The following SBF2 variants were observed in gnomAD, a reference collection of about 807,000 sequenced individuals.
The protein encoded by SBF2 is SET binding factor 2.
Under a neutral mutation model 225.2 loss-of-function variants are expected in SBF2, and 112 were observed. The ratio of observed to expected loss-of-function variants is 0.50; its 90% CI spans 0.43 to 0.58. The LOEUF is 0.58. Among genes scored for constraint, SBF2 ranks in the 20% least tolerant of loss-of-function variants. The probability of loss-of-function intolerance (pLI) is 0.00; values close to 1 mark genes in which losing one functional copy is unlikely to be tolerated. For synonymous variants in SBF2, 763 were observed against 773.3 expected (o/e 0.99, Z 0.22); for missense variants, 1,996 against 2,206.2 (o/e 0.90, Z 1.91).
At chr11:9,840,031 G>C (rs754848290) in intron 25 of SBF2, among the ~76,000 whole-genome samples, 1 of 152,192 alleles carries the variant, frequency 6.6e-6, no homozygotes, top group Admixed American at 6.5e-5. Flanking sequence ...TCAGGAGTTC[G>C]AGAGCAGCCT....
chr11:10,020,061 C>T (rs886171647), intron 6 of SBF2, among the ~76,000 whole-genome samples: 6 of 152,022 alleles, frequency 3.9e-5, no homozygotes, highest in Admixed American at 6.6e-5. Context: ...GAATGTCAGG[C>T]GACCATCAGG....
At chr11:9,957,358 T>C (rs181383861) in intron 16 of SBF2, 2 of 152,380 alleles carry the variant, frequency 1.3e-5, no homozygotes, top group African/African-American at 4.8e-5. Context: ...ACTTAATTTC[T>C]GTCTAGATTA....
intron 2 of SBF2, among the ~76,000 whole-genome samples, chr11:10,067,113 G>GT (rs981989620): frequency 2.7e-4 from 41 of 151,766 alleles, no homozygotes; most frequent in African/African-American, 9.4e-4. Flanking sequence ...CCCTGACTCT[G>GT]TTTTTTTTAA....
chr11:9,954,348 T>G (rs74504530), intron 16 of SBF2, among the ~76,000 whole-genome samples: 6 of 151,196 alleles, frequency 4.0e-5, no homozygotes, highest in Non-Finnish European at 8.9e-5. Flanking sequence ...GCCTTGAAAC[T>G]CTATGCTTTT....
chr11:9,915,916 T>G (rs544540748), intron 16 of SBF2, among the ~76,000 whole-genome samples: 1 of 152,084 alleles, frequency 6.6e-6, no homozygotes, highest in East Asian at 1.9e-4. Flanking sequence ...ATACAAAAAT[T>G]AGCCAGGTGT....
intron 16 of SBF2, among the ~76,000 whole-genome samples, chr11:9,897,704 A>C (rs914151923): frequency 6.6e-6 from 1 of 152,170 alleles, no homozygotes; most frequent in Admixed American, 6.5e-5. Flanking sequence ...CTCCTCATCC[A>C]TCCGTTATAA....
At chr11:10,023,651 T>C (rs1948941452) in intron 6 of SBF2, among the ~76,000 whole-genome samples, 1 of 152,180 alleles carries the variant, frequency 6.6e-6, no homozygotes, top group Admixed American at 6.6e-5. Context: ...CTGGTTTCTT[T>C]TACTTAGCAT....
Position 9,993,947 on chromosome 11 carries a change from T to A in SBF2, c.1027A>T (p.Thr343Ser). The A allele has an allele frequency of 7.9e-7, 1 of 1,267,136 alleles. No individual in the cohort carries two copies. The highest frequency in any genetic ancestry group is 1.2e-6 in the Non-Finnish European group (1 of 863,266). 78.5% of individuals were successfully genotyped at this position (1,267,136 alleles called of 1,614,324 possible). The change falls in exon 10 of 40, where the codon ACA becomes TCA. Residue 343 changes from threonine to serine, a missense_variant. Thr to Ser is a moderately conservative substitution (Grantham distance 58). Coordinates refer to ENST00000256190, the MANE Select transcript of SBF2 (RefSeq NM_030962.4). Reference sequence around the variant, plus strand: ...AGCATTTTTGAGTGGGATAAAGCTGTTCGTGGAGGAGGAAAAGCATGATCT... The same window carrying A: ...AGCATTTTTGAGTGGGATAAAGCTGATCGTGGAGGAGGAAAAGCATGATCT... ...VADHAFPPPR[T>S]ALSHSKMLDK...
intron 2 of SBF2, among the ~76,000 whole-genome samples, chr11:10,046,464 A>G (rs2134694668): frequency 6.6e-6 from 1 of 152,304 alleles, no homozygotes; most frequent in Admixed American, 6.5e-5. Context: ...TAACCATTCA[A>G]AAATCAATTA....
chr11:10,255,871 C>G (rs576045232), intron 1 of SBF2, among the ~76,000 whole-genome samples: 1 of 152,296 alleles, frequency 6.6e-6, no homozygotes, highest in East Asian at 1.9e-4. Context: ...ACTGAGGAAA[C>G]TATGTCAAAA....
chr11:10,060,693 A>T (rs1467912302), intron 2 of SBF2, among the ~76,000 whole-genome samples: 1 of 152,188 alleles, frequency 6.6e-6, no homozygotes, highest in African/African-American at 2.4e-5. Flanking sequence ...ATGACCAAGT[A>T]GGCTTCATCC....
intron 28 of SBF2, among the ~76,000 whole-genome samples, chr11:9,818,322 T>C (rs1364402238): frequency 1.3e-5 from 2 of 152,202 alleles, no homozygotes; most frequent in African/African-American, 2.4e-5. Flanking sequence ...ACCTTAGTTA[T>C]ATTAATTAGA....
chr11:9,790,011 G>C (rs1852639163), intron 34 of SBF2, among the ~76,000 whole-genome samples: 1 of 152,244 alleles, frequency 6.6e-6, no homozygotes, highest in Non-Finnish European at 1.5e-5. Context: ...TGGGGCCCAG[G>C]GGAGGGGCCT....
chr11:9,924,137 T>C (rs1863843703), intron 16 of SBF2, among the ~76,000 whole-genome samples: 1 of 152,182 alleles, frequency 6.6e-6, no homozygotes, highest in Non-Finnish European at 1.5e-5. Context: ...ATACAGATGG[T>C]CCTAGACTTA....
chr11:9,964,603 C>T (rs2134371907), intron 14 of SBF2, among the ~76,000 whole-genome samples: 1 of 152,158 alleles, frequency 6.6e-6, no homozygotes, highest in East Asian at 1.9e-4. Flanking sequence ...GAAAGTAGTG[C>T]AAACAAAGAG....
intron 1 of SBF2, among the ~76,000 whole-genome samples, chr11:10,200,084 T>C (rs185950880): frequency 1.3e-5 from 2 of 152,280 alleles, no homozygotes; most frequent in Non-Finnish European, 2.9e-5. Context: ...ATCTGCGTTT[T>C]GATTGTGACC....
chr11:10,001,054 T>A lies in SBF2; in HGVS notation c.753-32A>T, dbSNP rs201874369. 16 of 1,161,138 alleles carry A rather than the reference T, an allele frequency of 1.4e-5. No homozygotes were observed. The Admixed American group carries it at 2.4e-4, about 17-fold the overall frequency. 71.9% of individuals were successfully genotyped at this position (1,161,138 alleles called of 1,614,324 possible). ...ATAATAAAAATATGCGTCAAATATATTTTTCTTTAACATAAACATATCTTC... is the reference window on the plus strand; with the variant it reads ...ATAATAAAAATATGCGTCAAATATAATTTTCTTTAACATAAACATATCTTC... On this transcript the variant is annotated intron_variant, in intron 7 of 39. Transcript: ENST00000256190.
intron 1 of SBF2, among the ~76,000 whole-genome samples, chr11:10,274,340 G>C (rs1162361256): frequency 6.6e-6 from 1 of 152,192 alleles, no homozygotes; most frequent in Non-Finnish European, 1.5e-5. Flanking sequence ...AATCTGAAGA[G>C]ATATGTACTA....
chr11:10,186,226 C>A (rs1038934524), intron 2 of SBF2, among the ~76,000 whole-genome samples: 5 of 152,144 alleles, frequency 3.3e-5, no homozygotes, highest in African/African-American at 1.2e-4. Context: ...CTCAGGTGTA[C>A]CACTTTCACA....
Sources: gnomAD v4.1 joint callset for allele counts (sites outside exome capture counted in the v4.1 genomes callset) on GRCh38, gnomAD v4.1.1 for gene constraint, MANE v1.5 for transcripts, NCBI Gene and HGNC (gene_info 2026-07-23, HGNC 2026-07-21) for gene names.